Variants in LRCH1 observed in about 807,000 individuals in gnomAD.
LRCH1 encodes the protein leucine-rich repeat and calponin homology domain-containing protein 1.
LRCH1 carries 23 observed loss-of-function variants against 94.9 expected under a neutral mutation model. The observed-to-expected ratio is 0.24, with a 90% CI of 0.17 to 0.34. LRCH1 has a LOEUF of 0.34. Among genes scored for constraint, LRCH1 ranks in the 10% least tolerant of loss-of-function variants. LRCH1 has a pLI of 1.00. For missense variants in LRCH1, 790 were observed against 945.9 expected, an observed-to-expected ratio of 0.84 and a Z score of 2.16; for synonymous variants, 364 against 354.9, an observed-to-expected ratio of 1.03 and a Z score of -0.29.
intron 4 of LRCH1, among the ~76,000 whole-genome samples, chr13:46,683,633 GA>G (rs1272887541): frequency 6.6e-6 from 1 of 152,112 alleles, no homozygotes; most frequent in East Asian, 1.9e-4. Context: ...TTTTCAAAAG[GA>G]AAAATTAATT....
Position 46,741,638 on chromosome 13 carries a change from A to C in LRCH1, c.2086-4A>C. On this transcript the variant is annotated splice_region_variant and splice_polypyrimidine_tract_variant and intron_variant, in intron 19 of 19. Coordinates refer to ENST00000389797, the MANE Select transcript of LRCH1 (RefSeq NM_001164211.2). ...TTCTGTTCTAATGGCTGCCCTCGGA[A>C]TAGGCTGACCTCTGCTCTCCGTGTG... 1 of 1,614,108 alleles carries C rather than the reference A, an allele frequency of 6.2e-7. No individual in the cohort carries two copies. Among genetic ancestry groups the C allele is most frequent in the South Asian group, 1.1e-5 (1 of 91,076 alleles).
At chr13:46,746,504 A>T (rs186739817), downstream of LRCH1, among the ~76,000 whole-genome samples, 1 of 152,202 alleles carries the variant, frequency 6.6e-6, no homozygotes, top group Non-Finnish European at 1.5e-5. Context: ...AGACTACTTC[A>T]TGACTCCGCT....
At chr13:46,603,449 C>A (rs1319834013) in intron 1 of LRCH1, among the ~76,000 whole-genome samples, 1 of 152,100 alleles carries the variant, frequency 6.6e-6, no homozygotes, top group Non-Finnish European at 1.5e-5. Context: ...CTGTGTACAA[C>A]AGAAAAGAAT....
rs1873703700 is a variant in LRCH1 at position 46,742,293 on chromosome 13, TA to T, written c.*446del. 1 of 1,020,632 alleles carries T rather than the reference TA, an allele frequency of 9.8e-7. No homozygotes were observed. Among genetic ancestry groups the T allele is most frequent in the Non-Finnish European group, 1.2e-6 (1 of 851,200 alleles). 63.2% of individuals were successfully genotyped at this position (1,020,632 alleles called of 1,614,324 possible). A position where few individuals can be genotyped will look rare whatever the true frequency, so the allele number is the denominator to read the frequency against. ...TTCGGGACTGGGCAATTGAGCTGTA[TA>T]GGGGCCACCTTGCAGGGAGGACAGA... On this transcript the variant is annotated 3_prime_UTR_variant, in exon 20 of 20. Transcript: ENST00000389797.
intron 18 of LRCH1, among the ~76,000 whole-genome samples, 194 bp downstream of exon 18, chr13:46,729,178 C>T (rs1048676083): frequency 6.6e-6 from 1 of 152,036 alleles, no homozygotes; most frequent in Non-Finnish European, 1.5e-5. Context: ...AAATGAGAGA[C>T]TATTTTAAAA....
chr13:46,711,137 A>C (rs1872041447), intron 13 of LRCH1, among the ~76,000 whole-genome samples: 1 of 152,150 alleles, frequency 6.6e-6, no homozygotes, highest in Non-Finnish European at 1.5e-5. Context: ...CTAAACTGAT[A>C]CTATCAACTT....
At chr13:46,652,502 C>T (rs1218876473) in intron 2 of LRCH1, among the ~76,000 whole-genome samples, 1 of 151,726 alleles carries the variant, frequency 6.6e-6, no homozygotes, top group Non-Finnish European at 1.5e-5. Flanking sequence ...TCTGGAGGCT[C>T]ATATATCTAA....
intron 16 of LRCH1, among the ~76,000 whole-genome samples, chr13:46,716,366 T>C (rs1444116599): frequency 2.0e-5 from 3 of 152,192 alleles, no homozygotes; most frequent in Non-Finnish European, 4.4e-5. Flanking sequence ...AACATAATTA[T>C]TTAGATCTGC....
chr13:46,635,261 T>C (rs2051069739), intron 1 of LRCH1, among the ~76,000 whole-genome samples: 1 of 152,188 alleles, frequency 6.6e-6, no homozygotes, highest in Non-Finnish European at 1.5e-5. Context: ...TCATACTTTC[T>C]CCTGCACTTA....
chr13:46,703,984 G>A (rs1187355147), intron 11 of LRCH1, among the ~76,000 whole-genome samples: 5 of 152,198 alleles, frequency 3.3e-5, no homozygotes, highest in Non-Finnish European at 5.9e-5. Flanking sequence ...CACTTGATTT[G>A]CATCTTTATG....
Position 46,583,586 on chromosome 13 carries a change from ATCTAATTTT to A in LRCH1, c.307+29885_307+29893del, listed in dbSNP as rs369474003. Reference sequence around the variant, plus strand: ...GTCAGTACTCACCTTTGGACAGGATATCTAATTTTTAGATTCTAGACAGTTGAAAGTAAC... The same window carrying A: ...GTCAGTACTCACCTTTGGACAGGATATAGATTCTAGACAGTTGAAAGTAAC... On this transcript the variant is annotated intron_variant, in intron 1 of 19. Coordinates refer to ENST00000389797, the MANE Select transcript of LRCH1 (RefSeq NM_001164211.2). Among the ~76,000 whole-genome samples the A allele has an allele frequency of 3.5e-3, 528 of 152,302 alleles. 3 individuals are homozygous for A. The highest frequency in any genetic ancestry group is 0.012 in the African/African-American group (504 of 41,560).
At chr13:46,608,890 C>A (rs1472044863) in intron 1 of LRCH1, among the ~76,000 whole-genome samples, 1 of 152,148 alleles carries the variant, frequency 6.6e-6, no homozygotes, top group Non-Finnish European at 1.5e-5. Flanking sequence ...ATGCATTCTC[C>A]TTAAAGAAAA....
chr13:46,606,391 A>T (rs553530922), intron 1 of LRCH1, among the ~76,000 whole-genome samples: 134 of 152,266 alleles, frequency 8.8e-4, no homozygotes, highest in Non-Finnish European at 1.4e-3. Context: ...TCATGAGTGC[A>T]TGGGGAACTT....
Position 46,669,127 on chromosome 13 carries a change from A to T in LRCH1, c.550A>T (p.Ile184Leu). The change falls in exon 3 of 20, where the codon ATA (isoleucine) becomes TTA (leucine). Residue 184 changes from isoleucine to leucine, a missense_variant. This residue lies in a region of LRCH1 where 194 missense variants were observed against 293.5 expected (regional missense o/e 0.66). Transcript: ENST00000389797. ...CAAACTTGGATCATTACCAGAAGAG[A>T]TAGGTCAGCTCAAACAGTTAATGGA... The part of the protein sequence containing the change: ...NNKLGSLPEE[I>L]GQLKQLMELD... The T allele has an allele frequency of 6.2e-7, 1 of 1,614,158 alleles. No homozygotes were observed. The highest frequency in any genetic ancestry group is 8.5e-7 in the Non-Finnish European group (1 of 1,179,998).
chr13:46,668,626 A>G (rs4941564), intron 2 of LRCH1, among the ~76,000 whole-genome samples: 96,295 of 151,166 alleles, frequency 0.64, 31,106 homozygotes, highest in Middle Eastern at 0.73. Flanking sequence ...CATTGTCAGG[A>G]GAGGGCAGTT....
intron 19 of LRCH1, among the ~76,000 whole-genome samples, chr13:46,737,268 T>A (rs543834108): frequency 1.4e-4 from 21 of 152,228 alleles, no homozygotes; most frequent in African/African-American, 1.4e-4. Context: ...TTTAAAAAAA[T>A]TTGTTATGAT....
At chr13:46,698,332 G>C (rs557047954) in intron 9 of LRCH1, among the ~76,000 whole-genome samples, 2 of 152,338 alleles carry the variant, frequency 1.3e-5, no homozygotes, top group East Asian at 3.9e-4. Context: ...CTAGCCATGA[G>C]CTGGGTTAAA....
chr13:46,585,998 G>A (rs1166865713), intron 1 of LRCH1, among the ~76,000 whole-genome samples: 1 of 152,092 alleles, frequency 6.6e-6, no homozygotes, highest in Non-Finnish European at 1.5e-5. Context: ...GAGTATTGGG[G>A]AAAAATGCAC....
intron 1 of LRCH1, among the ~76,000 whole-genome samples, chr13:46,573,667 G>A (rs1334806658): frequency 6.6e-6 from 1 of 151,438 alleles, no homozygotes; most frequent in Admixed American, 6.6e-5. Flanking sequence ...ATTTGTAGGA[G>A]CTAAAAATTA....
Sources: gnomAD v4.1 joint callset for allele counts (sites outside exome capture counted in the v4.1 genomes callset) on GRCh38, gnomAD v4.1.1 for gene constraint, gnomAD v4.1.1 regional missense constraint, MANE v1.5 for transcripts, NCBI Gene and HGNC (gene_info 2026-07-23, HGNC 2026-07-21) for gene names.